The following CYP4X1 variants were observed in gnomAD, a reference collection of about 807,000 sequenced individuals.
CYP4X1 encodes the protein cytochrome P450 4X1.
A neutral mutation model predicts 57.9 loss-of-function variants in CYP4X1; 44 were observed. The observed-to-expected ratio is 0.76, with a 90% CI of 0.60 to 0.98. CYP4X1 has a LOEUF of 0.98. CYP4X1 is among the 50% of genes least tolerant of loss of function. CYP4X1 has a pLI of 0.00. For missense variants in CYP4X1, 532 were observed against 623.9 expected (o/e 0.85, Z 1.57); for synonymous variants, 227 against 228.6 (o/e 0.99, Z 0.06).
chr1:46,961,473 T>G, the CYP4X1 span: 1 of 1,044,258 alleles, frequency 9.6e-7, no homozygotes, highest in Admixed American at 3.7e-5. Flanking sequence ...GTTTGAACCG[T>G]TCACTGGCTT....
intron 7 of CYP4X1, 143 bp downstream of exon 7, chr1:47,038,909 C>A: frequency 3.4e-6 from 2 of 585,668 alleles, no homozygotes; most frequent in Non-Finnish European, 2.8e-6. Flanking sequence ...CAGCTTCATG[C>A]AATTTGAGAC....
At chr1:47,006,900 G>A in the CYP4X1 span, among the ~76,000 whole-genome samples, 1 of 152,288 alleles carries the variant, frequency 6.6e-6, no homozygotes, top group Non-Finnish European at 1.5e-5. Flanking sequence ...CAAAACTGCC[G>A]AGGCTTGAGT....
intron 8 of CYP4X1, among the ~76,000 whole-genome samples, chr1:47,046,148 G>A (rs1478883072): frequency 3.3e-5 from 5 of 151,970 alleles, no homozygotes; most frequent in South Asian, 2.1e-4. Flanking sequence ...TTAATCCTTC[G>A]CCATTTTTAT....
the CYP4X1 span, among the ~76,000 whole-genome samples, chr1:47,002,480 C>T: frequency 3.3e-5 from 5 of 152,206 alleles, no homozygotes; most frequent in African/African-American, 7.2e-5. Flanking sequence ...CTAAAAATTA[C>T]TGTCTGTAAG....
the CYP4X1 span, among the ~76,000 whole-genome samples, chr1:47,008,402 T>C: frequency 6.6e-6 from 1 of 152,084 alleles, no homozygotes; most frequent in African/African-American, 2.4e-5. Flanking sequence ...CAGGCCTGCC[T>C]TACAAGAGCT....
chr1:47,015,944 G>A, the CYP4X1 span, among the ~76,000 whole-genome samples: 126,435 of 152,126 alleles, frequency 0.83, 52,990 homozygotes, highest in Non-Finnish European at 0.89. Flanking sequence ...CAGACTCCCT[G>A]TCTTGAGAAT....
intron 8 of CYP4X1, among the ~76,000 whole-genome samples, chr1:47,042,432 A>G (rs575970758): frequency 1.2e-4 from 18 of 151,772 alleles, no homozygotes; most frequent in African/African-American, 4.1e-4. Context: ...GTTTTCTTCA[A>G]TTTCTTTCAC....
chr1:46,998,257 C>A, the CYP4X1 span, among the ~76,000 whole-genome samples: 1 of 152,024 alleles, frequency 6.6e-6, no homozygotes, highest in Non-Finnish European at 1.5e-5. Context: ...CTCACTGCAG[C>A]CTCGACATCC....
At chr1:47,005,556 A>G in the CYP4X1 span, among the ~76,000 whole-genome samples, 6 of 152,338 alleles carry the variant, frequency 3.9e-5, no homozygotes, top group South Asian at 1.2e-3. Context: ...TGTGTATACA[A>G]GTCTAGATGT....
At chr1:46,970,956 G>A in the CYP4X1 span, among the ~76,000 whole-genome samples, 2 of 152,006 alleles carry the variant, frequency 1.3e-5, no homozygotes, top group Admixed American at 6.6e-5. Flanking sequence ...TAGGTTCAGG[G>A]GTACATGTGC....
At chr1:47,042,058 C>T (rs934445926) in intron 8 of CYP4X1, among the ~76,000 whole-genome samples, 2 of 152,010 alleles carry the variant, frequency 1.3e-5, no homozygotes, top group African/African-American at 4.8e-5. Context: ...CTGTATGTTA[C>T]TGGAACCTTT....
In CYP4X1 at chr1:47,049,197, T is replaced by C. The variant is rs183411975; in HGVS notation, c.1273-225T>C. On this transcript the variant is annotated intron_variant, in intron 10 of 11. Coordinates refer to ENST00000371901, the MANE Select transcript of CYP4X1 (RefSeq NM_178033.2). Reference sequence around the variant, plus strand: ...TAGTACCCTAAAAAAATGTGAAACATTTCCTTTTAGTAATTATTTATATTG... The same window carrying C: ...TAGTACCCTAAAAAAATGTGAAACACTTCCTTTTAGTAATTATTTATATTG... 2.0e-5 allele frequency among the ~76,000 whole-genome samples: 3 copies of C among 152,344 alleles called. No homozygotes were observed. In the East Asian group the frequency reaches 5.8e-4, roughly 29 times the overall value.
downstream of CYP4X1, among the ~76,000 whole-genome samples, chr1:47,055,212 G>A (rs1010146281): frequency 1.3e-5 from 2 of 152,142 alleles, no homozygotes; most frequent in African/African-American, 2.4e-5. Context: ...TTTATATGCT[G>A]GATTATGTTT....
chr1:46,984,622 C>T, the CYP4X1 span, among the ~76,000 whole-genome samples: 1 of 152,114 alleles, frequency 6.6e-6, no homozygotes, highest in Non-Finnish European at 1.5e-5. Context: ...AACTCCCTCC[C>T]CTAGCCAAGG....
chr1:46,966,810 C>T, the CYP4X1 span, among the ~76,000 whole-genome samples: 1 of 152,246 alleles, frequency 6.6e-6, no homozygotes, highest in Non-Finnish European at 1.5e-5. Context: ...ATTTAAGTTA[C>T]AGAATATTAA....
the CYP4X1 span, among the ~76,000 whole-genome samples, chr1:46,981,711 A>G: frequency 3.3e-5 from 5 of 152,268 alleles, no homozygotes; most frequent in South Asian, 1.0e-3. Context: ...TATTCACAGT[A>G]GCAAAGACTT....
At chr1:46,972,868 T>C in the CYP4X1 span, among the ~76,000 whole-genome samples, 1 of 152,188 alleles carries the variant, frequency 6.6e-6, no homozygotes, top group South Asian at 2.1e-4. Context: ...TAGAATCATA[T>C]AATCTGTGAA....
downstream of CYP4X1, among the ~76,000 whole-genome samples, chr1:47,054,129 C>A (rs1386598202): frequency 1.3e-5 from 2 of 151,446 alleles, no homozygotes; most frequent in East Asian, 2.0e-4. Context: ...TTTCAGCTTT[C>A]TACATATGGC....
chr1:46,993,122 C>T, the CYP4X1 span, among the ~76,000 whole-genome samples: 4 of 138,368 alleles, frequency 2.9e-5, no homozygotes, highest in East Asian at 9.5e-4. Flanking sequence ...GTGATGTTCC[C>T]CTTCCTGTGT....
Sources: gnomAD v4.1 joint callset for allele counts (sites outside exome capture counted in the v4.1 genomes callset) on GRCh38, gnomAD v4.1.1 for gene constraint, MANE v1.5 for transcripts, NCBI Gene and HGNC (gene_info 2026-07-23, HGNC 2026-07-21) for gene names.